The following USP25 variants were observed in gnomAD, a reference collection of about 807,000 sequenced individuals.
The protein encoded by USP25 is ubiquitin carboxyl-terminal hydrolase 25.
Under a neutral mutation model 158.5 loss-of-function variants are expected in USP25, and 85 were observed. The observed-to-expected ratio is 0.54, with a 90% CI of 0.45 to 0.64. The LOEUF is 0.64. USP25 is among the 30% of genes least tolerant of loss of function. The pLI is 0.00. For synonymous variants in USP25, 464 were observed against 460.4 expected, an observed-to-expected ratio of 1.01 and a Z score of -0.10; for missense variants, 1,242 against 1,327.3, an observed-to-expected ratio of 0.94 and a Z score of 1.00.
chr21:15,759,370 C>T (rs2033589470), intron 1 of USP25, among the ~76,000 whole-genome samples: 1 of 152,152 alleles, frequency 6.6e-6, no homozygotes, highest in Non-Finnish European at 1.5e-5. Context: ...GTGCCTGTGA[C>T]ACAGCCTCAG....
Position 15,826,906 on chromosome 21 carries a change from G to T in USP25, c.1467-71G>T, listed in dbSNP as rs749710528. On this transcript the variant is annotated intron_variant, in intron 13 of 25. Coordinates refer to ENST00000400183, the MANE Select transcript of USP25 (RefSeq NM_001283041.3). The surrounding 1 kb of genome is among the most constrained non-coding windows in gnomAD (Gnocchi z 4.8). ...AATTACAAGCCAATTTAATACTGTG[G>T]GTTTGGCACGATCTTTGTCAAGAGT... The T allele has an allele frequency of 4.3e-4, 645 of 1,506,238 alleles. No homozygotes were observed. The highest frequency in any genetic ancestry group is 5.5e-4 in the Non-Finnish European group (604 of 1,098,806). 93.3% of individuals were successfully genotyped at this position (1,506,238 alleles called of 1,614,324 possible).
At chr21:15,823,425 A>T (rs1010835298) in intron 10 of USP25, among the ~76,000 whole-genome samples, 3 of 152,138 alleles carry the variant, frequency 2.0e-5, no homozygotes, top group Non-Finnish European at 4.4e-5. Context: ...GCAATGAGAC[A>T]TTCAATTCTT....
chr21:15,746,925 C>A (rs758972623), intron 1 of USP25, among the ~76,000 whole-genome samples: 28 of 152,164 alleles, frequency 1.8e-4, no homozygotes, highest in Non-Finnish European at 3.5e-4. Flanking sequence ...GTATGGAAAG[C>A]AGTCTTTTAC....
At chr21:15,744,671 C>A (rs1248896802) in intron 1 of USP25, among the ~76,000 whole-genome samples, 2 of 152,036 alleles carry the variant, frequency 1.3e-5, no homozygotes, top group Admixed American at 1.3e-4. Flanking sequence ...TCACGGCAGC[C>A]CCCACCTCCC....
chr21:15,737,564 A>G (rs540669112), intron 1 of USP25, among the ~76,000 whole-genome samples: 4 of 152,192 alleles, frequency 2.6e-5, no homozygotes, highest in African/African-American at 2.4e-5. Flanking sequence ...TTGCATCTAT[A>G]TCAATGGCTG....
intron 21 of USP25, 25 bp from the exon 22 acceptor site, chr21:15,866,241 T>C (rs755112475): frequency 6.5e-7 from 1 of 1,533,420 alleles, no homozygotes; most frequent in South Asian, 1.2e-5. Flanking sequence ...ACACACACGC[T>C]CATATGTATG....
intron 7 of USP25, 80 bp from the exon 8 acceptor site, chr21:15,808,729 G>A: frequency 2.1e-6 from 2 of 958,030 alleles, no homozygotes; most frequent in Non-Finnish European, 3.0e-6. Flanking sequence ...TTCAACAACT[G>A]GCTCTAGGTT....
chr21:15,779,566 A>C (rs543081542), intron 4 of USP25, among the ~76,000 whole-genome samples: 340 of 151,996 alleles, frequency 2.2e-3, no homozygotes, highest in Non-Finnish European at 3.6e-3. Flanking sequence ...TCTAATTAAA[A>C]CAACAGGTAC....
intron 20 of USP25, among the ~76,000 whole-genome samples, chr21:15,850,109 G>A (rs114214603): frequency 0.015 from 2,244 of 152,062 alleles, 61 homozygotes; most frequent in African/African-American, 0.052. Flanking sequence ...CACTCTAATA[G>A]TGTGCTTTTG....
At chr21:15,745,661 A>G (rs376594397) in intron 1 of USP25, among the ~76,000 whole-genome samples, 1 of 151,630 alleles carries the variant, frequency 6.6e-6, no homozygotes. Flanking sequence ...TTTTTAGTAG[A>G]GACAGGGTTT....
chr21:15,761,228 C>T (rs1179099809), intron 1 of USP25, among the ~76,000 whole-genome samples: 1 of 152,178 alleles, frequency 6.6e-6, no homozygotes, highest in African/African-American at 2.4e-5. Flanking sequence ...GTAATACTAA[C>T]TTTGATCTCT....
chr21:15,780,097 TTA>T (rs2034881884), intron 4 of USP25, among the ~76,000 whole-genome samples: 1 of 152,146 alleles, frequency 6.6e-6, no homozygotes, highest in Non-Finnish European at 1.5e-5. Context: ...TATATTATGC[TTA>T]AAAGTAAATT....
intron 22 of USP25, among the ~76,000 whole-genome samples, chr21:15,869,303 G>A (rs1686274768): frequency 6.7e-6 from 1 of 149,236 alleles, no homozygotes; most frequent in African/African-American, 2.4e-5. Context: ...TAATAACTAT[G>A]TTTCTTATTT....
Position 15,816,014 on chromosome 21 carries a change from G to T in USP25, c.932-2684G>T, listed in dbSNP as rs544670412. Among the ~76,000 whole-genome samples the T allele has an allele frequency of 6.6e-6, 1 of 152,074 alleles. No individual in the cohort carries two copies. The highest frequency in any genetic ancestry group is 1.5e-5 in the Non-Finnish European group (1 of 68,014). ...AATGTGAGGACATGAGATTTGGAGG[G>T]GCTAGGGCTGGAATGATGTGGTTCA... On this transcript the variant is annotated intron_variant, in intron 9 of 25. Coordinates refer to ENST00000400183, the MANE Select transcript of USP25 (RefSeq NM_001283041.3). The surrounding 1 kb of genome is among the most constrained non-coding windows in gnomAD (Gnocchi z 4.0).
chr21:15,872,670 C>G (rs1247237846), intron 23 of USP25, among the ~76,000 whole-genome samples: 5 of 152,120 alleles, frequency 3.3e-5, no homozygotes, highest in African/African-American at 1.2e-4. Context: ...ATCTCAAAAA[C>G]AAATTCCTAG....
At chr21:15,857,148 T>G (rs1292891635) in intron 20 of USP25, among the ~76,000 whole-genome samples, 1 of 152,230 alleles carries the variant, frequency 6.6e-6, no homozygotes, top group African/African-American at 2.4e-5. Context: ...AACCAGTTTA[T>G]TCACTTATAT....
chr21:15,844,711 A>G (rs1473698028), intron 18 of USP25, among the ~76,000 whole-genome samples: 3 of 152,162 alleles, frequency 2.0e-5, no homozygotes, highest in African/African-American at 4.8e-5. Flanking sequence ...ACCCTGAGAA[A>G]AAGTCATGCA....
intron 1 of USP25, among the ~76,000 whole-genome samples, chr21:15,745,515 G>A (rs1393045523): frequency 1.6e-4 from 10 of 60,934 alleles, no homozygotes. Context: ...CACTCTTATT[G>A]CCCAGGCTGG....
At chr21:15,832,513 G>C (rs183615146) in intron 16 of USP25, among the ~76,000 whole-genome samples, 1 of 152,174 alleles carries the variant, frequency 6.6e-6, no homozygotes, top group Non-Finnish European at 1.5e-5. Flanking sequence ...TTGTTTTTAA[G>C]ATCTTGCTAT....
Sources: gnomAD v4.1 joint callset for allele counts (sites outside exome capture counted in the v4.1 genomes callset) on GRCh38, gnomAD v4.1.1 for gene constraint, Gnocchi (gnomAD v3.1) non-coding constraint, MANE v1.5 for transcripts, NCBI Gene and HGNC (gene_info 2026-07-23, HGNC 2026-07-21) for gene names.